Variants in ZNF142 observed in about 807,000 individuals in gnomAD.
The protein encoded by ZNF142 is zinc finger protein 142.
Under a neutral mutation model 132.1 loss-of-function variants are expected in ZNF142, and 96 were observed. The observed-to-expected ratio is 0.73, with a 90% CI of 0.62 to 0.86. The LOEUF is 0.86. ZNF142 is among the 40% of genes least tolerant of loss of function. The pLI, the probability that ZNF142 is intolerant of heterozygous loss-of-function variation, is 0.00. For synonymous variants in ZNF142, 842 were observed against 890.1 expected, an observed-to-expected ratio of 0.95 and a Z score of 0.96; for missense variants, 2,163 against 2,336.2, an observed-to-expected ratio of 0.93 and a Z score of 1.53.
chr2:218,638,532 C>A lies in ZNF142; in HGVS notation c.5471G>T (p.Arg1824Leu), dbSNP rs1355988469. ...THTDRHPFFCRLCNYKAKQKF... is the reference protein window; with the variant it reads ...THTDRHPFFCLLCNYKAKQKF... ...TTGCTTGGCCTTGTAGTTGCAGAGG[C>A]GGCAAAAGAAGGGGTGGCGGTCGGT... The change falls in exon 11 of 11, where the codon CGC becomes CTC. Residue 1824 changes from arginine (R) to leucine (L), a missense_variant. Around this residue, in one of 7 missense-constraint regions of ZNF142, gnomAD observed 325 missense variants for 367.8 expected, o/e 0.88. Coordinates refer to ENST00000411696, the MANE Select transcript of ZNF142 (RefSeq NM_001379659.1). 1.9e-6 allele frequency: 3 copies of A among 1,609,742 alleles called. No homozygotes were observed. Among genetic ancestry groups the A allele is most frequent in the Non-Finnish European group, 2.5e-6 (3 of 1,176,960 alleles).
intron 7 of ZNF142, among the ~76,000 whole-genome samples, chr2:218,646,830 G>A (rs1395411041): frequency 1.3e-5 from 2 of 152,034 alleles, no homozygotes; most frequent in African/African-American, 2.4e-5. Context: ...TAGGTGATCC[G>A]CCCGCCTTGG....
intron 9 of ZNF142, among the ~76,000 whole-genome samples, 161 bp from the exon 10 acceptor site, chr2:218,640,930 ATTTT>A (rs34502703): frequency 3.0e-5 from 4 of 135,142 alleles, no homozygotes; most frequent in African/African-American, 5.4e-5. Flanking sequence ...CTTGCTAGGG[ATTTT>A]TTTTTTTTTT....
chr2:218,650,988 T>A (rs1937931875), intron 5 of ZNF142, among the ~76,000 whole-genome samples: 2 of 25,488 alleles, frequency 7.8e-5, no homozygotes, highest in Non-Finnish European at 2.0e-4. Flanking sequence ...TCTTTACTTC[T>A]TTTTTTTTTT....
intron 3 of ZNF142, among the ~76,000 whole-genome samples, chr2:218,658,003 C>T (rs1938716757): frequency 6.6e-6 from 1 of 152,164 alleles, no homozygotes; most frequent in Non-Finnish European, 1.5e-5. Flanking sequence ...AGCTAGGTAT[C>T]TTGTACAAAA....
rs1281894173 is a variant in ZNF142, at chr2:218,652,095, G to A, written c.486C>T (p.Ser162=). The A allele has an allele frequency of 2.2e-6, 1 of 451,252 alleles. No homozygotes were observed. Among genetic ancestry groups the A allele is most frequent in the Non-Finnish European group, 4.5e-6 (1 of 224,232 alleles). 28.0% of individuals were successfully genotyped at this position (451,252 alleles called of 1,614,324 possible). A position where few individuals can be genotyped will look rare whatever the true frequency, so the allele number is the denominator to read the frequency against. The part of the protein sequence containing the change: ...GPLQGQSPPV[S]PLSCPVCRQE... ...GTCTACACACAGGGCATGATAGGGG[G>A]CTAACTGGCGGGCTCTGGCCCTGCA... is the stretch of plus-strand genomic sequence containing the variant. The change falls in exon 5 of 11, where the codon AGC becomes AGT. Residue 162 remains serine, a synonymous_variant. Transcript: ENST00000411696.
intron 3 of ZNF142, among the ~76,000 whole-genome samples, chr2:218,657,556 G>A (rs1031981195): frequency 1.3e-5 from 2 of 152,058 alleles, no homozygotes; most frequent in Non-Finnish European, 2.9e-5. Flanking sequence ...AGCCTCCTGA[G>A]TAGCTGGGAT....
rs752777509 is a variant in ZNF142 at position 218,648,661 on chromosome 2, A to G, written c.1847T>C (p.Leu616Pro). ...CNFATAHKRV[L>P]IRHMLLHTGE... ...CGTATGTAGAAGCATGTGTCGGATG[A>G]GCACCCTCTTGTGGGCAGTGGCAAA... The change falls in exon 7 of 11, where the codon CTC (leucine) becomes CCC (proline). Residue 616 changes from leucine (L) to proline (P), a missense_variant. By Grantham distance (98) the Leu-to-Pro change is moderately conservative. Transcript: ENST00000411696. The G allele has an allele frequency of 8.7e-6, 14 of 1,613,866 alleles. No individual in the cohort carries two copies. In the African/African-American group the frequency reaches 1.7e-4, roughly 20 times the overall value.
Position 218,635,269 on chromosome 2 carries a change from GA to G in ZNF142, c.*3069del, listed in dbSNP as rs1213261754. 4.9e-5 allele frequency among the ~76,000 whole-genome samples: 7 copies of G among 144,242 alleles called. No homozygotes were observed. Among genetic ancestry groups the G allele is most frequent in the Admixed American group, 6.9e-5 (1 of 14,476 alleles). The allele number at this position is 144,242 out of a possible 152,430, so 94.6% of individuals were successfully genotyped here. A position where few individuals can be genotyped will look rare whatever the true frequency, so the allele number is the denominator to read the frequency against. ...GTCAAGAGTATGATCGTGTCTCTTT[GA>G]AAAAAAAAAAGTGGCTGCTGTCATT... is the stretch of plus-strand genomic sequence containing the variant. On this transcript the variant is annotated 3_prime_UTR_variant, in exon 11 of 11. Coordinates refer to ENST00000411696, the MANE Select transcript of ZNF142 (RefSeq NM_001379659.1).
rs765540570 is a variant in ZNF142, at chr2:218,642,024, T to C, written c.5088+4A>G. 6.2e-7 allele frequency: 1 copy of C among 1,612,096 alleles called. No individual in the cohort carries two copies. The highest frequency in any genetic ancestry group is 2.2e-5 in the East Asian group (1 of 44,834). On this transcript the variant is annotated splice_donor_region_variant and intron_variant, in intron 9 of 10. Coordinates refer to ENST00000411696, the MANE Select transcript of ZNF142 (RefSeq NM_001379659.1). The surrounding 1 kb of genome is among the most constrained non-coding windows in gnomAD (Gnocchi z 4.6). Reference sequence around the variant, plus strand: ...ACTTCCTGCCCCATATCCTCTGACATTACCTTGAGACGAGAGGGATCAGCA... The same window carrying C: ...ACTTCCTGCCCCATATCCTCTGACACTACCTTGAGACGAGAGGGATCAGCA...
rs867826364 is a variant in ZNF142 at position 218,649,132 on chromosome 2, C to T, written c.1376G>A (p.Arg459His). 13 of 1,613,982 alleles carry T rather than the reference C, an allele frequency of 8.1e-6. No homozygotes were observed. Among genetic ancestry groups the T allele is most frequent in the African/African-American group, 2.7e-5 (2 of 74,932 alleles). ...YSDTYACPVCREEFRLSQALK... is the reference protein window; with the variant it reads ...YSDTYACPVCHEEFRLSQALK... ...GGCCTGGCTGAGGCGGAATTCCTCA[C>T]GGCAGACAGGACAGGCATAGGTGTC... is the stretch of plus-strand genomic sequence containing the variant. The change falls in exon 7 of 11, where the codon CGT becomes CAT. Residue 459 changes from arginine to histidine, a missense_variant. By Grantham distance (29) the Arg-to-His change is conservative (BLOSUM62 0). This residue lies in a region of ZNF142 where 749 missense variants were observed against 830.3 expected (regional missense o/e 0.90). Coordinates refer to ENST00000411696, the MANE Select transcript of ZNF142 (RefSeq NM_001379659.1).
At position 218,644,816 on chromosome 2, in the gene ZNF142, T is replaced by A. The variant is rs972111091; in HGVS notation, c.2300A>T (p.His767Leu). 5 of 1,614,102 alleles carry A rather than the reference T, an allele frequency of 3.1e-6. No individual in the cohort carries two copies. Among genetic ancestry groups the A allele is most frequent in the Non-Finnish European group, 4.2e-6 (5 of 1,180,040 alleles). The part of the protein sequence containing the change: ...QAVLSHENCK[H>L]TRLREFHCAL... Reference sequence around the variant, plus strand: ...ACAGTGGAACTCACGGAGGCGGGTATGCTTGCAGTTCTCATGGCTCAGCAC... The same window carrying A: ...ACAGTGGAACTCACGGAGGCGGGTAAGCTTGCAGTTCTCATGGCTCAGCAC... Residue 767 changes from histidine to leucine, a missense_variant, in exon 9 of 11, where the codon CAT becomes CTT. His to Leu is a moderately conservative substitution (Grantham distance 99). Transcript: ENST00000411696. The surrounding 1 kb of genome is among the most constrained non-coding windows in gnomAD (Gnocchi z 4.6).
chr2:218,646,877 G>A lies in ZNF142; in HGVS notation c.1874-529C>T, dbSNP rs551106546. 1.8e-4 allele frequency among the ~76,000 whole-genome samples: 27 copies of A among 151,914 alleles called. No individual in the cohort carries two copies. In the South Asian group the frequency reaches 4.4e-3, roughly 25 times the overall value. On this transcript the variant is annotated intron_variant, in intron 7 of 10. Transcript: ENST00000411696. Reference sequence around the variant, plus strand: ...GTTGGGATTACAGGCGTGAGCCACCGTGCCCACCCCAAGCTTTTCAAAACT... The same window carrying A: ...GTTGGGATTACAGGCGTGAGCCACCATGCCCACCCCAAGCTTTTCAAAACT...
chr2:218,640,630 AC>A (rs1312794884), intron 10 of ZNF142, 33 bp downstream of exon 10: 1 of 1,596,946 alleles, frequency 6.3e-7, no homozygotes, highest in East Asian at 2.2e-5. Context: ...GAACAAAGGA[AC>A]CCTTCAGGCC....
chr2:218,654,365 G>A (rs1245295291), intron 4 of ZNF142, among the ~76,000 whole-genome samples: 2 of 133,252 alleles, frequency 1.5e-5, no homozygotes, highest in East Asian at 5.0e-4. Flanking sequence ...ATGCCAAAAT[G>A]CATCTCCTTT....
Position 218,634,559 on chromosome 2 carries a change from C to G in ZNF142, c.*3780G>C, listed in dbSNP as rs779560665. On this transcript the variant is annotated 3_prime_UTR_variant, in exon 11 of 11. Coordinates refer to ENST00000411696, the MANE Select transcript of ZNF142 (RefSeq NM_001379659.1). This position sits in a 1 kb window ranked among gnomAD's most constrained non-coding sequence, Gnocchi z 4.0. Reference sequence around the variant, plus strand: ...CTATGTGCTGAAGCCAGACTTCCTGCGTGATATCCAGAGTTCTTTCCACCC... The same window carrying G: ...CTATGTGCTGAAGCCAGACTTCCTGGGTGATATCCAGAGTTCTTTCCACCC... The G allele has an allele frequency of 1.7e-5, 27 of 1,613,920 alleles. No individual in the cohort carries two copies. The highest frequency in any genetic ancestry group is 2.3e-5 in the Non-Finnish European group (27 of 1,179,908).
In ZNF142 at chr2:218,633,962, G is replaced by T; in HGVS notation, c.*4377C>A. The T allele has an allele frequency of 7.9e-7, 1 of 1,268,582 alleles. No homozygotes were observed. The allele number at this position is 1,268,582 out of a possible 1,614,324, so 78.6% of individuals were successfully genotyped here. A position where few individuals can be genotyped will look rare whatever the true frequency, so the allele number is the denominator to read the frequency against. ...AGGGGCAGGAAAGCTGGTCTGGATG[G>T]ACAGAGTAGAGAGGCACAGTGAAAC... On this transcript the variant is annotated 3_prime_UTR_variant, in exon 11 of 11. Coordinates refer to ENST00000411696, the MANE Select transcript of ZNF142 (RefSeq NM_001379659.1).
Position 218,638,289 on chromosome 2 carries a change from T to C in ZNF142, c.*50A>G. ...CCTCAGGCTAGCGCTGGTCCCAGTCTGCACATCTCAGACCATACCCTCTTC... is the reference window on the plus strand; with the variant it reads ...CCTCAGGCTAGCGCTGGTCCCAGTCCGCACATCTCAGACCATACCCTCTTC... On this transcript the variant is annotated 3_prime_UTR_variant, in exon 11 of 11. Coordinates refer to ENST00000411696, the MANE Select transcript of ZNF142 (RefSeq NM_001379659.1). The C allele has an allele frequency of 6.9e-7, 1 of 1,449,818 alleles. No homozygotes were observed. Among genetic ancestry groups the C allele is most frequent in the Non-Finnish European group, 9.1e-7 (1 of 1,097,490 alleles). 89.8% of individuals were successfully genotyped at this position (1,449,818 alleles called of 1,614,324 possible).
Position 218,644,729 on chromosome 2 carries a change from T to C in ZNF142, c.2387A>G (p.His796Arg), listed in dbSNP as rs559741550. ...TTLLFHKRKAHGYVPGDQAWQ... is the reference protein window; with the variant it reads ...TTLLFHKRKARGYVPGDQAWQ... ...GGCCTGGTCTCCAGGTACATAGCCA[T>C]GGGCCTTGCGTTTATGGAACAAGAG... The change falls in exon 9 of 11, where the codon CAT becomes CGT. Residue 796 changes from histidine to arginine, a missense_variant. Physicochemically the swap from His to Arg is conservative, Grantham distance 29. This residue lies in a region of ZNF142 where 749 missense variants were observed against 830.3 expected (regional missense o/e 0.90). Transcript: ENST00000411696. This position sits in a 1 kb window ranked among gnomAD's most constrained non-coding sequence, Gnocchi z 4.6. 1.2e-6 allele frequency: 2 copies of C among 1,614,194 alleles called. No individual in the cohort carries two copies. Among genetic ancestry groups the C allele is most frequent in the African/African-American group, 1.3e-5 (1 of 75,046 alleles).
chr2:218,643,486 G>A lies in ZNF142; in HGVS notation c.3630C>T (p.Ser1210=). 1 of 1,614,086 alleles carries A rather than the reference G, an allele frequency of 6.2e-7. No individual in the cohort carries two copies. The highest frequency in any genetic ancestry group is 8.5e-7 in the Non-Finnish European group (1 of 1,179,988). Residue 1210 remains serine (S), a synonymous_variant, in exon 9 of 11, where the codon TCC becomes TCT. Coordinates refer to ENST00000411696, the MANE Select transcript of ZNF142 (RefSeq NM_001379659.1). Reference sequence around the variant, plus strand: ...GCTTCTTCAGGGCCTCTGTGGGTGAGGAGTTTCCTGCAGGAGGGACTGGGT... The same window carrying A: ...GCTTCTTCAGGGCCTCTGTGGGTGAAGAGTTTCCTGCAGGAGGGACTGGGT... ...HLDPVPPAGN[S]SPTEALKKHR...
Sources: allele counts gnomAD v4.1 joint callset (sites outside exome capture counted in the v4.1 genomes callset), GRCh38; gene constraint gnomAD v4.1.1; regional missense constraint gnomAD v4.1.1; non-coding constraint Gnocchi (gnomAD v3.1); transcripts MANE v1.5; gene names NCBI Gene and HGNC (gene_info 2026-07-23, HGNC 2026-07-21).